Variants in PARD3B observed in about 807,000 individuals in gnomAD.
PARD3B encodes the protein par-3 family cell polarity regulator beta, also known as partitioning defective 3 homolog B.
PARD3B carries 103 observed loss-of-function variants against 130.2 expected under a neutral mutation model. The observed-to-expected ratio is 0.79, with a 90% CI of 0.67 to 0.93. The LOEUF (loss-of-function observed/expected upper bound fraction) is 0.93. Ranked by LOEUF, PARD3B falls within the 40% of genes least tolerant of loss-of-function variation. PARD3B has a pLI of 0.00. For missense variants in PARD3B, 1,609 were observed against 1,499.2 expected, an observed-to-expected ratio of 1.07 and a Z score of -1.21; for synonymous variants, 583 against 553.2, an observed-to-expected ratio of 1.05 and a Z score of -0.76.
intron 19 of PARD3B, among the ~76,000 whole-genome samples, chr2:205,429,472 T>A (rs1005787969): frequency 1.3e-5 from 2 of 152,144 alleles, no homozygotes; most frequent in African/African-American, 4.8e-5. Context: ...AATGAAATAA[T>A]TAATTCAGTC....
intron 18 of PARD3B, among the ~76,000 whole-genome samples, chr2:205,334,823 A>C (rs1458654817): frequency 6.6e-6 from 1 of 152,226 alleles, no homozygotes; most frequent in African/African-American, 2.4e-5. Context: ...CACCAAAGTG[A>C]AGGACAAAGC....
intron 18 of PARD3B, among the ~76,000 whole-genome samples, chr2:205,326,582 G>A (rs1210228284): frequency 6.6e-6 from 1 of 152,056 alleles, no homozygotes; most frequent in Non-Finnish European, 1.5e-5. Flanking sequence ...AATTGCAAGA[G>A]CACAGAAAGG....
At chr2:205,014,230 A>T (rs1301742166) in intron 3 of PARD3B, among the ~76,000 whole-genome samples, 1 of 152,196 alleles carries the variant, frequency 6.6e-6, no homozygotes, top group Non-Finnish European at 1.5e-5. Context: ...TTTTCAAGTA[A>T]GTCAGTGAAA....
intron 3 of PARD3B, among the ~76,000 whole-genome samples, chr2:205,045,191 A>G (rs1170554513): frequency 6.6e-6 from 1 of 150,742 alleles, no homozygotes; most frequent in Non-Finnish European, 1.5e-5. Flanking sequence ...ATACACTATA[A>G]TACTATGGCA....
chr2:204,840,431 G>C (rs932746383), intron 2 of PARD3B, among the ~76,000 whole-genome samples: 1 of 151,992 alleles, frequency 6.6e-6, no homozygotes, highest in African/African-American at 2.4e-5. Context: ...CTAGTAAAAA[G>C]GGACCCAGAA....
At chr2:205,402,316 C>T (rs1167643591) in intron 19 of PARD3B, among the ~76,000 whole-genome samples, 1 of 152,168 alleles carries the variant, frequency 6.6e-6, no homozygotes, top group African/African-American at 2.4e-5. Context: ...ACCTAAGATT[C>T]AGCAATCCTG....
At chr2:205,079,510 C>A (rs1257186403) in intron 4 of PARD3B, among the ~76,000 whole-genome samples, 1 of 152,140 alleles carries the variant, frequency 6.6e-6, no homozygotes, top group East Asian at 1.9e-4. Context: ...AAGGCTTCGC[C>A]AATTCCCTCC....
At chr2:205,509,588 A>T (rs1467660964) in intron 21 of PARD3B, among the ~76,000 whole-genome samples, 1 of 152,152 alleles carries the variant, frequency 6.6e-6, no homozygotes, top group Admixed American at 6.5e-5. Context: ...ACTCTGGGGG[A>T]CAAATCTGAT....
chr2:205,418,813 A>G (rs1176743965), intron 19 of PARD3B, among the ~76,000 whole-genome samples: 1 of 152,186 alleles, frequency 6.6e-6, no homozygotes, highest in Non-Finnish European at 1.5e-5. Context: ...TTCTTTCTCT[A>G]AAGCTGACAG....
chr2:205,422,937 A>T (rs939239913), intron 19 of PARD3B, among the ~76,000 whole-genome samples: 6 of 152,156 alleles, frequency 3.9e-5, no homozygotes, highest in Non-Finnish European at 8.8e-5. Context: ...AAACATCCTC[A>T]TTGTAGTTCT....
At chr2:204,938,951 T>C (rs1256304583) in intron 2 of PARD3B, among the ~76,000 whole-genome samples, 2 of 152,194 alleles carry the variant, frequency 1.3e-5, no homozygotes, top group Non-Finnish European at 2.9e-5. Context: ...TGATTTGTGA[T>C]ACCCAGAAAA....
At position 205,078,957 on chromosome 2, in the gene PARD3B, A is replaced by G. The variant is rs1454967922; in HGVS notation, c.505-25469A>G. Among the ~76,000 whole-genome samples the G allele has an allele frequency of 6.6e-6, 1 of 152,186 alleles. No homozygotes were observed. Among genetic ancestry groups the G allele is most frequent in the African/African-American group, 2.4e-5 (1 of 41,446 alleles). Reference sequence around the variant, plus strand: ...TAAGTGAGCCGTCATGGATGCCCAGACCTGTGGAGCCTTGGCAGCAGCCGA... The same window carrying G: ...TAAGTGAGCCGTCATGGATGCCCAGGCCTGTGGAGCCTTGGCAGCAGCCGA... On this transcript the variant is annotated intron_variant, in intron 4 of 22. Coordinates refer to ENST00000406610, the MANE Select transcript of PARD3B (RefSeq NM_001302769.2). This position sits in a 1 kb window ranked among gnomAD's most constrained non-coding sequence, Gnocchi z 4.0.
At chr2:204,558,595 A>G (rs550764939) in intron 1 of PARD3B, among the ~76,000 whole-genome samples, 2 of 152,328 alleles carry the variant, frequency 1.3e-5, no homozygotes, top group East Asian at 1.9e-4. Flanking sequence ...AAGAATCAAT[A>G]TCGTGAAAAT....
Position 205,616,752 on chromosome 2 carries a change from G to T in PARD3B, c.*939G>T. The T allele has an allele frequency of 6.6e-6, 1 of 152,448 alleles. No homozygotes were observed. The highest frequency in any genetic ancestry group is 1.5e-5 in the Non-Finnish European group (1 of 68,220). 9.4% of individuals were successfully genotyped at this position (152,448 alleles called of 1,614,324 possible). ...TGTAGTTGGGAAAGAGGGCCTACTG[G>T]GGAGGTCTCACAGGAGGCAGTGCCC... On this transcript the variant is annotated 3_prime_UTR_variant, in exon 23 of 23. Transcript: ENST00000406610.
chr2:204,691,464 A>G (rs2037348900), intron 2 of PARD3B, among the ~76,000 whole-genome samples: 1 of 151,986 alleles, frequency 6.6e-6, no homozygotes, highest in Non-Finnish European at 1.5e-5. Flanking sequence ...ATCACATGTG[A>G]TATCTGGTAT....
intron 2 of PARD3B, among the ~76,000 whole-genome samples, chr2:204,760,750 T>C (rs1419061237): frequency 6.6e-6 from 1 of 152,140 alleles, no homozygotes; most frequent in Non-Finnish European, 1.5e-5. Flanking sequence ...AATAGAAAAT[T>C]ATTTACTTTT....
At chr2:205,184,854 C>T (rs1478503175) in intron 13 of PARD3B, among the ~76,000 whole-genome samples, 1 of 152,072 alleles carries the variant, frequency 6.6e-6, no homozygotes. Flanking sequence ...CACTTGATGG[C>T]TTTAAAAACT....
intron 4 of PARD3B, among the ~76,000 whole-genome samples, chr2:205,102,291 T>C (rs1702839601): frequency 6.6e-6 from 1 of 152,094 alleles, no homozygotes. Flanking sequence ...GTGCTTGATA[T>C]ATAGAGAAGC....
intron 6 of PARD3B, among the ~76,000 whole-genome samples, chr2:205,118,293 C>T (rs1699668567): frequency 6.6e-6 from 1 of 152,256 alleles, no homozygotes; most frequent in African/African-American, 2.4e-5. Flanking sequence ...TGGACTTCAG[C>T]TGTCCCCCAA....
Sources: allele counts gnomAD v4.1 joint callset (sites outside exome capture counted in the v4.1 genomes callset), GRCh38; gene constraint gnomAD v4.1.1; non-coding constraint Gnocchi (gnomAD v3.1); transcripts MANE v1.5; gene names NCBI Gene and HGNC (gene_info 2026-07-23, HGNC 2026-07-21).